The following ASTN2 variants were observed in gnomAD, a reference collection of about 807,000 sequenced individuals.
ASTN2 encodes astrotactin 2, also known as astrotactin-2.
ASTN2 carries 54 observed loss-of-function variants against 139.8 expected under a neutral mutation model. That is an observed-to-expected ratio of 0.39 (90% CI 0.31 to 0.48). The LOEUF (loss-of-function observed/expected upper bound fraction) is 0.48, where lower values mean the gene tolerates loss of function less well. Ranked by LOEUF, ASTN2 falls within the 20% of genes least tolerant of loss-of-function variation. The probability of loss-of-function intolerance (pLI) is 0.95; values close to 1 mark genes in which losing one functional copy is unlikely to be tolerated. For missense variants in ASTN2, 1,565 were observed against 1,725.1 expected (o/e 0.91, Z 1.64); for synonymous variants, 756 against 719.5 (o/e 1.05, Z -0.81).
At chr9:117,150,559 T>G (rs1050756977) in intron 3 of ASTN2, among the ~76,000 whole-genome samples, 7 of 152,182 alleles carry the variant, frequency 4.6e-5, no homozygotes, top group Non-Finnish European at 1.0e-4. Flanking sequence ...TTACCAGCTG[T>G]GAGACTTGGG....
At chr9:116,756,806 C>T (rs1588268338) in intron 13 of ASTN2, among the ~76,000 whole-genome samples, 1 of 147,168 alleles carries the variant, frequency 6.8e-6, no homozygotes, top group African/African-American at 2.5e-5. Context: ...CACATACACA[C>T]ACACTTGGTC....
At chr9:116,912,187 G>C (rs980362690) in intron 10 of ASTN2, among the ~76,000 whole-genome samples, 3 of 152,248 alleles carry the variant, frequency 2.0e-5, no homozygotes, top group Non-Finnish European at 4.4e-5. Flanking sequence ...ACAGTGGAGA[G>C]AGATTGCTTT....
At chr9:116,821,200 T>C (rs1449643099) in intron 11 of ASTN2, among the ~76,000 whole-genome samples, 1 of 152,186 alleles carries the variant, frequency 6.6e-6, no homozygotes, top group East Asian at 1.9e-4. Flanking sequence ...CAGATATATA[T>C]TTAAAAGCCT....
At chr9:116,576,956 C>A (rs1380160791) in intron 19 of ASTN2, among the ~76,000 whole-genome samples, 1 of 152,134 alleles carries the variant, frequency 6.6e-6, no homozygotes, top group Non-Finnish European at 1.5e-5. Context: ...AAAACAACAC[C>A]AACAATAACA....
At chr9:116,714,693 T>TA (rs1480557562) in intron 16 of ASTN2, among the ~76,000 whole-genome samples, 1 of 152,204 alleles carries the variant, frequency 6.6e-6, no homozygotes, top group Non-Finnish European at 1.5e-5. Context: ...TGTTGAAACT[T>TA]ACACCTGTCG....
chr9:117,333,622 G>A (rs1400946665), intron 1 of ASTN2, among the ~76,000 whole-genome samples: 1 of 152,052 alleles, frequency 6.6e-6, no homozygotes, highest in Non-Finnish European at 1.5e-5. Flanking sequence ...ATTACTAAGA[G>A]AGTTTGGAAG....
chr9:116,899,080 A>C (rs993993582), intron 10 of ASTN2, among the ~76,000 whole-genome samples: 2 of 152,140 alleles, frequency 1.3e-5, no homozygotes, highest in African/African-American at 4.8e-5. Context: ...TGTTTTCTTA[A>C]TTCCTATAGT....
At chr9:116,851,696 A>G (rs1315855294) in intron 11 of ASTN2, among the ~76,000 whole-genome samples, 1 of 152,148 alleles carries the variant, frequency 6.6e-6, no homozygotes, top group East Asian at 1.9e-4. Flanking sequence ...TTTTAGTTGA[A>G]TTGCTTCATT....
intron 10 of ASTN2, among the ~76,000 whole-genome samples, chr9:116,937,711 AT>A (rs1239540474): frequency 6.6e-6 from 1 of 152,226 alleles, no homozygotes; most frequent in African/African-American, 2.4e-5. Context: ...TGCAAAAGGA[AT>A]TGAAATTAAA....
At chr9:116,684,449 T>C (rs1860075236) in intron 16 of ASTN2, among the ~76,000 whole-genome samples, 1 of 152,196 alleles carries the variant, frequency 6.6e-6, no homozygotes. Flanking sequence ...AAATCCTAAA[T>C]TATTTGTGGG....
chr9:117,281,037 A>G (rs77747827), intron 2 of ASTN2, among the ~76,000 whole-genome samples: 5,566 of 152,236 alleles, frequency 0.037, 145 homozygotes, highest in South Asian at 0.13. Flanking sequence ...TTATTTATTT[A>G]GTCAATTATT....
At chr9:116,926,207 A>G (rs1450926366) in intron 10 of ASTN2, among the ~76,000 whole-genome samples, 1 of 152,136 alleles carries the variant, frequency 6.6e-6, no homozygotes, top group Non-Finnish European at 1.5e-5. Flanking sequence ...GAAACCATCA[A>G]TGATGTCTTC....
intron 5 of ASTN2, among the ~76,000 whole-genome samples, chr9:117,062,680 G>A (rs895643341): frequency 1.3e-5 from 2 of 152,118 alleles, no homozygotes; most frequent in East Asian, 3.9e-4. Context: ...CAGAGCAATG[G>A]TAATGGTGTA....
chr9:116,651,519 G>A lies in ASTN2; in HGVS notation c.3072+9C>T, dbSNP rs1857913543. On this transcript the variant is annotated intron_variant, in intron 17 of 22. Transcript: ENST00000313400. ...AGTTTGACTGAGTGGCTGGGCCAGG[G>A]GAGCTCACCTCCTTTGTGCCATTGT... The A allele has an allele frequency of 1.2e-6, 2 of 1,611,122 alleles. No individual in the cohort carries two copies. Among genetic ancestry groups the A allele is most frequent in the Non-Finnish European group, 1.7e-6 (2 of 1,177,706 alleles).
rs1564214672 is a variant in ASTN2, at chr9:116,697,551, T to TAAGTA, written c.2806+28215_2806+28219dup. 52 of 707,318 alleles carry TAAGTA rather than the reference T, an allele frequency of 7.4e-5. No homozygotes were observed. The South Asian group carries it at 9.3e-4, about 13-fold the overall frequency. 43.8% of individuals were successfully genotyped at this position (707,318 alleles called of 1,614,324 possible). The stretch of plus-strand genomic sequence containing the variant: ...TAATAGACCTCAATAAAATAGTTGT[T>TAAGTA]AAGTAAGGGAATGACTGAATGACTG... On this transcript the variant is annotated intron_variant, in intron 16 of 22. Coordinates refer to ENST00000313400, the MANE Select transcript of ASTN2 (RefSeq NM_001365068.1).
At chr9:116,954,392 G>A (rs962613666) in intron 10 of ASTN2, among the ~76,000 whole-genome samples, 1 of 152,134 alleles carries the variant, frequency 6.6e-6, no homozygotes, top group Non-Finnish European at 1.5e-5. Context: ...GTCTAGATTG[G>A]GGCCTGATAA....
chr9:117,203,180 T>C (rs1223996586), intron 3 of ASTN2, among the ~76,000 whole-genome samples: 1 of 152,002 alleles, frequency 6.6e-6, no homozygotes, highest in Non-Finnish European at 1.5e-5. Flanking sequence ...GTTTTTCAGC[T>C]CCATCAGGTC....
chr9:116,814,140 T>C (rs751692658), intron 12 of ASTN2, among the ~76,000 whole-genome samples: 26 of 151,780 alleles, frequency 1.7e-4, no homozygotes, highest in Admixed American at 3.3e-4. Context: ...GGAATAAATC[T>C]AAGTATCCTA....
chr9:116,918,082 T>A (rs1485239574), intron 10 of ASTN2, among the ~76,000 whole-genome samples: 1 of 152,156 alleles, frequency 6.6e-6, no homozygotes, highest in Non-Finnish European at 1.5e-5. Context: ...GCCGCCACCA[T>A]GTAAGAAGAG....
Sources: gnomAD v4.1 joint callset for allele counts (sites outside exome capture counted in the v4.1 genomes callset) on GRCh38, gnomAD v4.1.1 for gene constraint, MANE v1.5 for transcripts, NCBI Gene and HGNC (gene_info 2026-07-23, HGNC 2026-07-21) for gene names.